The following MAMDC2 variants were observed in gnomAD, a reference collection of about 807,000 sequenced individuals.
MAMDC2 encodes MAM domain containing 2, also known as MAM domain-containing protein 2.
MAMDC2 carries 57 observed loss-of-function variants against 89.8 expected under a neutral mutation model. The ratio of observed to expected loss-of-function variants is 0.63; its 90% CI spans 0.51 to 0.79. The LOEUF is 0.79. MAMDC2 is among the 30% of genes least tolerant of loss of function. The pLI is 0.00. For missense variants in MAMDC2, 800 were observed against 820.6 expected (o/e 0.97, Z 0.31); for synonymous variants, 313 against 293.4 (o/e 1.07, Z -0.68).
chr9:70,211,499 A>G (rs190410997), intron 11 of MAMDC2, among the ~76,000 whole-genome samples: 5 of 152,142 alleles, frequency 3.3e-5, no homozygotes, highest in African/African-American at 4.8e-5. Context: ...GGTCTTCTCT[A>G]TACTGTTTAT....
At chr9:70,099,037 AAAC>A (rs1828094867) in intron 2 of MAMDC2, among the ~76,000 whole-genome samples, 1 of 152,230 alleles carries the variant, frequency 6.6e-6, no homozygotes, top group Non-Finnish European at 1.5e-5. Flanking sequence ...GCGATTTATT[AAAC>A]AACACAAAAT....
In MAMDC2 at chr9:70,189,769, TTTTTC is replaced by T. The variant is rs1204408648; in HGVS notation, c.1651+19143_1651+19147del. Among the ~76,000 whole-genome samples, 4 of 152,142 alleles carry T rather than the reference TTTTTC, an allele frequency of 2.6e-5. No homozygotes were observed. The East Asian group carries it at 7.7e-4, about 29-fold the overall frequency. On this transcript the variant is annotated intron_variant, in intron 11 of 13. Coordinates refer to ENST00000377182, the MANE Select transcript of MAMDC2 (RefSeq NM_153267.5). ...CACAGGTCTCTGAGTCTCTGTTCAT[TTTTTC>T]TTTTATCTTTTTTTTCTTTATGTTC...
At chr9:70,158,084 A>G (rs2031827374) in intron 9 of MAMDC2, among the ~76,000 whole-genome samples, 1 of 152,070 alleles carries the variant, frequency 6.6e-6, no homozygotes, top group African/African-American at 2.4e-5. Flanking sequence ...CAGCCTCCCA[A>G]GTAGCTGGAA....
At chr9:70,132,746 A>G (rs2030859429) in intron 7 of MAMDC2, among the ~76,000 whole-genome samples, 1 of 150,834 alleles carries the variant, frequency 6.6e-6, no homozygotes, top group Non-Finnish European at 1.5e-5. Flanking sequence ...CTGGTCTTGA[A>G]CTCTTGAGCT....
At chr9:70,136,904 CTT>C (rs2031034065) in intron 7 of MAMDC2, among the ~76,000 whole-genome samples, 1 of 152,274 alleles carries the variant, frequency 6.6e-6, no homozygotes, top group South Asian at 2.1e-4. Context: ...TTTTCACAGA[CTT>C]TATCTTCAGG....
chr9:70,060,591 T>C (rs995386577), intron 2 of MAMDC2: 1 of 152,196 alleles, frequency 6.6e-6, no homozygotes, highest in Non-Finnish European at 1.5e-5. Context: ...TTTCTTCTTT[T>C]GACAAATCTA....
chr9:70,135,591 C>A (rs1427259647), intron 7 of MAMDC2, among the ~76,000 whole-genome samples: 1 of 152,112 alleles, frequency 6.6e-6, no homozygotes, highest in Non-Finnish European at 1.5e-5. Flanking sequence ...AGTCTATCAC[C>A]ATGGAGAGAA....
intron 2 of MAMDC2, chr9:70,082,666 A>G (rs933840620): frequency 2.0e-5 from 3 of 152,156 alleles, no homozygotes; most frequent in Non-Finnish European, 4.4e-5. Flanking sequence ...TTCTTATCTG[A>G]AAGGAAAGTC....
chr9:70,139,291 T>G (rs2031114979), intron 7 of MAMDC2, among the ~76,000 whole-genome samples: 1 of 100,068 alleles, frequency 1.0e-5, no homozygotes, highest in Non-Finnish European at 1.9e-5. Context: ...CCCACAACAG[T>G]CCCCAGAGTG....
In MAMDC2 at chr9:70,225,908, C is replaced by T. The variant is rs909897545; in HGVS notation, c.1997-60C>T. The T allele has an allele frequency of 4.8e-6, 7 of 1,461,934 alleles. No homozygotes were observed. In the Admixed American group the frequency reaches 5.5e-5, roughly 11 times the overall value. 90.6% of individuals were successfully genotyped at this position (1,461,934 alleles called of 1,614,324 possible). A position where few individuals can be genotyped will look rare whatever the true frequency, so the allele number is the denominator to read the frequency against. ...GATACTGTCTCAAACTACAAGAATA[C>T]AAATTAAATATTTTTCTATAATAAA... On this transcript the variant is annotated intron_variant, in intron 13 of 13. Coordinates refer to ENST00000377182, the MANE Select transcript of MAMDC2 (RefSeq NM_153267.5).
At chr9:70,183,402 T>C (rs1403073533) in intron 11 of MAMDC2, among the ~76,000 whole-genome samples, 4 of 152,336 alleles carry the variant, frequency 2.6e-5, no homozygotes, top group East Asian at 1.9e-4. Context: ...CTGGATATCC[T>C]TGTTAATTTT....
intron 5 of MAMDC2, among the ~76,000 whole-genome samples, chr9:70,125,077 T>G (rs1200562912): frequency 6.6e-6 from 1 of 152,254 alleles, no homozygotes; most frequent in East Asian, 1.9e-4. Context: ...TATTCTGAGC[T>G]TGTAAACAGA....
At position 70,180,151 on chromosome 9, in the gene MAMDC2, A is replaced by C. The variant is rs993057380; in HGVS notation, c.1651+9520A>C. Among the ~76,000 whole-genome samples, 5 of 152,158 alleles carry C rather than the reference A, an allele frequency of 3.3e-5. No individual in the cohort carries two copies. In the East Asian group the frequency reaches 9.7e-4, roughly 29 times the overall value. ...TTCCTGTGTTAGTCTGCTGAGAATG[A>C]TGCTTTCCAGCTTCATCCATGTCCC... is the stretch of plus-strand genomic sequence containing the variant. On this transcript the variant is annotated intron_variant, in intron 11 of 13. Coordinates refer to ENST00000377182, the MANE Select transcript of MAMDC2 (RefSeq NM_153267.5).
In MAMDC2 at chr9:70,113,089, C is replaced by T. The variant is rs1410326980; in HGVS notation, c.600C>T (p.Val200=). 1 of 1,614,080 alleles carries T rather than the reference C, an allele frequency of 6.2e-7. No individual in the cohort carries two copies. Among genetic ancestry groups the T allele is most frequent in the Admixed American group, 1.7e-5 (1 of 60,002 alleles). Residue 200 remains valine, a synonymous_variant, in exon 5 of 14, where the codon GTC becomes GTT. Transcript: ENST00000377182. Reference sequence around the variant, plus strand: ...TTGGAGGAGGAAGTATTCGGAATGTCCACTCCATTCTCCCACAGGATCACA... The same window carrying T: ...TTGGAGGAGGAAGTATTCGGAATGTTCACTCCATTCTCCCACAGGATCACA... The part of the protein sequence containing the change: ...WFVGGGSIRN[V]HSILPQDHTF...
chr9:70,116,896 C>T (rs2030026867), intron 5 of MAMDC2, among the ~76,000 whole-genome samples: 1 of 152,108 alleles, frequency 6.6e-6, no homozygotes, highest in Admixed American at 6.6e-5. Flanking sequence ...CCTCCCATCT[C>T]CCTCTCTCTA....
At chr9:70,051,886 T>C (rs371362436) in intron 2 of MAMDC2, among the ~76,000 whole-genome samples, 1 of 100,062 alleles carries the variant, frequency 1.0e-5, no homozygotes, top group Non-Finnish European at 2.2e-5. Flanking sequence ...TCTAGATAGA[T>C]AGAGATAGAT....
chr9:70,213,247 C>A lies in MAMDC2; in HGVS notation c.1652-5090C>A, dbSNP rs1357986168. Among the ~76,000 whole-genome samples, 3 of 152,100 alleles carry A rather than the reference C, an allele frequency of 2.0e-5. No homozygotes were observed. The South Asian group carries it at 6.2e-4, about 32-fold the overall frequency. ...TTTGAAAATACTTCATGTTTCAGGGCCCTTAGTCTCTACTTTCCACTTTCC... is the reference window on the plus strand; with the variant it reads ...TTTGAAAATACTTCATGTTTCAGGGACCTTAGTCTCTACTTTCCACTTTCC... On this transcript the variant is annotated intron_variant, in intron 11 of 13. Coordinates refer to ENST00000377182, the MANE Select transcript of MAMDC2 (RefSeq NM_153267.5).
At chr9:70,219,158 G>C (rs1370761711) in intron 12 of MAMDC2, among the ~76,000 whole-genome samples, 1 of 152,074 alleles carries the variant, frequency 6.6e-6, no homozygotes, top group Non-Finnish European at 1.5e-5. Context: ...GTCCATCCTA[G>C]ATGTTCTCTA....
intron 7 of MAMDC2, among the ~76,000 whole-genome samples, chr9:70,139,086 T>C (rs924442118): frequency 3.9e-5 from 6 of 151,954 alleles, no homozygotes; most frequent in African/African-American, 1.2e-4. Flanking sequence ...GAATAAACAT[T>C]CACAGTCATG....
Sources: gnomAD v4.1 joint callset for allele counts (sites outside exome capture counted in the v4.1 genomes callset) on GRCh38, gnomAD v4.1.1 for gene constraint, MANE v1.5 for transcripts, NCBI Gene and HGNC (gene_info 2026-07-23, HGNC 2026-07-21) for gene names.